Variants in HTR3E observed in about 807,000 individuals in gnomAD.
HTR3E encodes 5-hydroxytryptamine (serotonin) receptor 3, family member E.
In HTR3E, 38 loss-of-function variants were observed where a neutral mutation model predicts 38.0. The observed-to-expected ratio is 1.00, with a 90% CI of 0.77 to 1.31. The LOEUF (loss-of-function observed/expected upper bound fraction) is 1.31, where lower values mean the gene tolerates loss of function less well. Among genes scored for constraint, HTR3E ranks in the 50% most tolerant of loss-of-function variants. The pLI, the probability that HTR3E is intolerant of heterozygous loss-of-function variation, is 0.00. For missense variants in HTR3E, 547 were observed against 585.2 expected (o/e 0.93, Z 0.67); for synonymous variants, 210 against 232.9 (o/e 0.90, Z 0.89).
rs373134132 is a variant in HTR3E at position 184,106,175 on chromosome 3, G to A, written c.973G>A (p.Glu325Lys). ...CLSLMVGSLL[E>K]TIFITHLLHV... ...GTCCCTGATGGTGGGCAGCCTGCTG[G>A]AGACCATCTTCATCACCCACCTGCT... Residue 325 changes from glutamate (E) to lysine (K), a missense_variant, in exon 8 of 9, where the codon GAG becomes AAG. Glu to Lys is a moderately conservative substitution (Grantham distance 56). Transcript: ENST00000415389. This position sits in a 1 kb window ranked among gnomAD's most constrained non-coding sequence, Gnocchi z 4.1. The A allele has an allele frequency of 2.5e-6, 4 of 1,612,644 alleles. No homozygotes were observed.
rs188850143 is a variant in HTR3E, at chr3:184,100,579, C to A, written c.162C>A (p.Phe54Leu). The A allele has an allele frequency of 6.2e-7, 1 of 1,614,186 alleles. No homozygotes were observed. The highest frequency in any genetic ancestry group is 2.2e-5 in the East Asian group (1 of 44,870). The change falls in exon 2 of 9, where the codon TTC (phenylalanine) becomes TTA (leucine). Residue 54 changes from phenylalanine (F) to leucine (L), a missense_variant. By Grantham distance (22) the Phe-to-Leu change is conservative (BLOSUM62 0). Transcript: ENST00000415389. ...ALNSVFNRKP[F>L]RPVTNISVPT... ...ATTCAGTGTTTAATAGAAAGCCCTT[C>A]CGTCCGGTCACCAACATCAGCGTCC...
Position 184,106,243 on chromosome 3 carries a change from C to G in HTR3E, c.1041C>G (p.Leu347=), listed in dbSNP as rs1226723283. 2 of 1,612,854 alleles carry G rather than the reference C, an allele frequency of 1.2e-6. No individual in the cohort carries two copies. The highest frequency in any genetic ancestry group is 1.3e-5 in the African/African-American group (1 of 74,834). Residue 347 remains leucine, a synonymous_variant, in exon 8 of 9, where the codon CTC becomes CTG. Transcript: ENST00000415389. This position sits in a 1 kb window ranked among gnomAD's most constrained non-coding sequence, Gnocchi z 4.1. ...AGCCCCCACCCCTGCCTCGGTGGCT[C>G]CACTCCCTGCTGCTCCACTGCAACA... ...TTQPPPLPRW[L]HSLLLHCNSP...
At chr3:184,099,750 A>G (rs1711900053) in intron 1 of HTR3E, among the ~76,000 whole-genome samples, 1 of 146,828 alleles carries the variant, frequency 6.8e-6, no homozygotes, top group Non-Finnish European at 1.5e-5. Context: ...AGAAAGAAAT[A>G]TGCACAATTA....
intron 3 of HTR3E, among the ~76,000 whole-genome samples, chr3:184,102,703 T>C (rs573147495): frequency 6.6e-6 from 1 of 151,028 alleles, no homozygotes; most frequent in East Asian, 2.0e-4. Context: ...GGCCGGTGGA[T>C]CGCCTGAACT....
At chr3:184,102,817 C>T (rs1020529233) in intron 3 of HTR3E, among the ~76,000 whole-genome samples, 4 of 151,398 alleles carry the variant, frequency 2.6e-5, no homozygotes, top group East Asian at 3.9e-4. Flanking sequence ...CCCAGCTACT[C>T]GGGAGGCTGA....
intron 4 of HTR3E, 151 bp from the exon 5 acceptor site, chr3:184,104,636 G>A: frequency 3.1e-6 from 2 of 655,082 alleles, no homozygotes; most frequent in South Asian, 5.2e-5. Flanking sequence ...AGGATCATTT[G>A]AGCCCAGGAC....
rs1409721159 is a variant in HTR3E at position 184,105,392 on chromosome 3, AG to A, written c.689del (p.Gly230GlufsTer23). ...CAGCAAGGCCACCGCAAAGTTGTCC[AG>A]GGGAGGCAACCTGTATGATCAGATC... ...GLSKATAKLS[R>X]GGNLYDQIVF... On this transcript the variant is annotated frameshift_variant, in exon 6 of 9. Transcript: ENST00000415389. LOFTEE classifies it high-confidence loss of function. 5 of 1,613,816 alleles carry A rather than the reference AG, an allele frequency of 3.1e-6. No individual in the cohort carries two copies. Among genetic ancestry groups the A allele is most frequent in the Non-Finnish European group, 3.4e-6 (4 of 1,179,982 alleles).
rs755482913 is a variant in HTR3E at position 184,106,682 on chromosome 3, T to C, written c.1360T>C (p.Trp454Arg). The C allele has an allele frequency of 6.2e-7, 1 of 1,614,008 alleles. No individual in the cohort carries two copies. Among genetic ancestry groups the C allele is most frequent in the African/African-American group, 1.3e-5 (1 of 74,936 alleles). Residue 454 changes from tryptophan to arginine, a missense_variant, in exon 9 of 9, where the codon TGG becomes CGG. By Grantham distance (101) the Trp-to-Arg change is moderately radical. Transcript: ENST00000415389. This position sits in a 1 kb window ranked among gnomAD's most constrained non-coding sequence, Gnocchi z 4.1. ...ASSIITVICL[W>R]NT is the part of the protein sequence containing the mutation. ...CTCTATCATCACCGTCATATGCCTC[T>C]GGAACACCTAGGCAGGTGCTCACCT...
chr3:184,102,302 A>G (rs1001710865), intron 3 of HTR3E, among the ~76,000 whole-genome samples: 9 of 151,880 alleles, frequency 5.9e-5, no homozygotes, highest in Non-Finnish European at 7.4e-5. Context: ...GTCTCTACAA[A>G]AAAATACAAA....
At chr3:184,099,436 C>T (rs867850011) in intron 1 of HTR3E, among the ~76,000 whole-genome samples, 7 of 151,806 alleles carry the variant, frequency 4.6e-5, no homozygotes, top group East Asian at 1.9e-4. Context: ...ACAATTAGGC[C>T]GGGCACGGTG....
Position 184,102,203 on chromosome 3 carries a change from C to A in HTR3E, c.279+674C>A, listed in dbSNP as rs570457041. Among the ~76,000 whole-genome samples, 13 of 152,276 alleles carry A rather than the reference C, an allele frequency of 8.5e-5. No individual in the cohort carries two copies. In the South Asian group the frequency reaches 2.7e-3, roughly 32 times the overall value. On this transcript the variant is annotated intron_variant, in intron 3 of 8. Transcript: ENST00000415389. ...GAACGCCAGGCAGAGTGGCGCATGC[C>A]TGTAATCCCAGCACTTTGGGAGGCC...
chr3:184,097,523 A>C lies in HTR3E; in HGVS notation c.-7A>C. ...TACATGTTCAGAGAAGAACTTAGAC[A>C]AAGAAGATGGAAGGAAGCTGGTTCC... On this transcript the variant is annotated 5_prime_UTR_variant, in exon 1 of 9. Coordinates refer to ENST00000415389, the MANE Select transcript of HTR3E (RefSeq NM_001256613.2). The C allele has an allele frequency of 6.5e-7, 1 of 1,535,270 alleles. No individual in the cohort carries two copies. The highest frequency in any genetic ancestry group is 8.7e-7 in the Non-Finnish European group (1 of 1,146,160).
At chr3:184,101,616 C>G (rs1209183401) in intron 3 of HTR3E, 87 bp downstream of exon 3, 6 of 1,125,040 alleles carry the variant, frequency 5.3e-6, no homozygotes, top group Non-Finnish European at 8.1e-6. Context: ...TTTTATGTCC[C>G]TAACATTGGT....
intron 1 of HTR3E, chr3:184,100,149 G>GCA: frequency 1.5e-5 from 21 of 1,399,006 alleles, no homozygotes; most frequent in Non-Finnish European, 1.9e-5. Context: ...GGGACGTATA[G>GCA]CACAGCAGCA....
At position 184,106,253 on chromosome 3, in the gene HTR3E, C is replaced by T; in HGVS notation, c.1051C>T (p.Leu351=). The change falls in exon 8 of 9, where the codon CTG becomes TTG. Residue 351 remains leucine, a synonymous_variant. Coordinates refer to ENST00000415389, the MANE Select transcript of HTR3E (RefSeq NM_001256613.2). The surrounding 1 kb of genome is among the most constrained non-coding windows in gnomAD (Gnocchi z 4.1). ...PPLPRWLHSL[L]LHCNSPGRCC... ...CCTGCCTCGGTGGCTCCACTCCCTG[C>T]TGCTCCACTGCAACAGCCCGGGGAG... 6.2e-7 allele frequency: 1 copy of T among 1,613,126 alleles called. No individual in the cohort carries two copies. The highest frequency in any genetic ancestry group is 2.2e-5 in the East Asian group (1 of 44,868).
chr3:184,102,291 C>T (rs1282374179), intron 3 of HTR3E, among the ~76,000 whole-genome samples: 1 of 151,770 alleles, frequency 6.6e-6, no homozygotes, highest in African/African-American at 2.4e-5. Flanking sequence ...GGCAAAACCT[C>T]GTCTCTACAA....
chr3:184,101,727 C>T (rs1054570649), intron 3 of HTR3E, among the ~76,000 whole-genome samples, 198 bp downstream of exon 3: 2 of 152,194 alleles, frequency 1.3e-5, no homozygotes, highest in Non-Finnish European at 2.9e-5. Flanking sequence ...GGGTGGCTCA[C>T]GCCTGTAATC....
In HTR3E at chr3:184,105,927, A is replaced by G; in HGVS notation, c.883A>G (p.Met295Val). 1 of 1,614,176 alleles carries G rather than the reference A, an allele frequency of 6.2e-7. No individual in the cohort carries two copies. Among genetic ancestry groups the G allele is most frequent in the Non-Finnish European group, 8.5e-7 (1 of 1,180,028 alleles). ...GCTGGGCTACAACGTCTTCCTGCTC[A>G]TGATGAGTGACTTGCTCCCCACCAG... Reference protein sequence around the residue: ...LLLGYNVFLLMMSDLLPTSGT... With the variant: ...LLLGYNVFLLVMSDLLPTSGT... The change falls in exon 7 of 9, where the codon ATG becomes GTG. Residue 295 changes from methionine to valine, a missense_variant. Transcript: ENST00000415389.
chr3:184,105,804 C>T lies in HTR3E; in HGVS notation c.760C>T (p.Leu254Phe). ...RRRPSLYVIN[L>F]LVPSGFLVAI... Reference sequence around the variant, plus strand: ...CAGGCCCAGTCTCTATGTCATAAACCTTCTCGTGCCCAGTGGCTTTCTGGT... The same window carrying T: ...CAGGCCCAGTCTCTATGTCATAAACTTTCTCGTGCCCAGTGGCTTTCTGGT... Residue 254 changes from leucine to phenylalanine, a missense_variant, in exon 7 of 9, where the codon CTT becomes TTT. Coordinates refer to ENST00000415389, the MANE Select transcript of HTR3E (RefSeq NM_001256613.2). 2 of 1,614,188 alleles carry T rather than the reference C, an allele frequency of 1.2e-6. No homozygotes were observed. Among genetic ancestry groups the T allele is most frequent in the Non-Finnish European group, 1.7e-6 (2 of 1,180,030 alleles).
Sources: allele counts gnomAD v4.1 joint callset (sites outside exome capture counted in the v4.1 genomes callset), GRCh38; gene constraint gnomAD v4.1.1; non-coding constraint Gnocchi (gnomAD v3.1); transcripts MANE v1.5; gene names NCBI Gene and HGNC (gene_info 2026-07-23, HGNC 2026-07-21).